Variants in BMPR1B observed in about 807,000 individuals in gnomAD.
BMPR1B encodes the protein bone morphogenetic protein receptor type 1B.
Under a neutral mutation model 59.1 loss-of-function variants are expected in BMPR1B, and 12 were observed. The observed-to-expected ratio is 0.20, with a 90% confidence interval of 0.13 to 0.33. The LOEUF is 0.33. BMPR1B is among the 10% of genes least tolerant of loss of function. The pLI is 1.00. For missense variants in BMPR1B, 550 were observed against 610.9 expected, an observed-to-expected ratio of 0.90 and a Z score of 1.05; for synonymous variants, 237 against 207.3, an observed-to-expected ratio of 1.14 and a Z score of -1.23.
chr4:95,007,293 T>C (rs1355298603), intron 3 of BMPR1B, among the ~76,000 whole-genome samples: 1 of 152,194 alleles, frequency 6.6e-6, no homozygotes, highest in Non-Finnish European at 1.5e-5. Context: ...GGCATGAATT[T>C]TTAGAACACA....
intron 2 of BMPR1B, among the ~76,000 whole-genome samples, chr4:94,948,001 A>T (rs142775813): frequency 2.8e-4 from 42 of 152,304 alleles, no homozygotes; most frequent in Non-Finnish European, 2.9e-5. Context: ...AGTTCTTTAT[A>T]TATGCTAGCT....
chr4:94,841,923 T>C (rs1725102092), intron 1 of BMPR1B, among the ~76,000 whole-genome samples: 1 of 152,136 alleles, frequency 6.6e-6, no homozygotes. Flanking sequence ...AGGGAGCTAC[T>C]TAAAGGGACT....
intron 3 of BMPR1B, among the ~76,000 whole-genome samples, chr4:95,058,550 A>C (rs866359427): frequency 1.3e-5 from 2 of 152,182 alleles, no homozygotes; most frequent in Admixed American, 1.3e-4. Context: ...GAGTCAATTT[A>C]ATGTAACAGG....
intron 2 of BMPR1B, among the ~76,000 whole-genome samples, chr4:94,923,126 CTTTG>C (rs1033022618): frequency 4.6e-5 from 7 of 152,162 alleles, no homozygotes; most frequent in African/African-American, 1.2e-4. Context: ...ATCTTATATA[CTTTG>C]TTTATCTTTG....
intron 3 of BMPR1B, among the ~76,000 whole-genome samples, chr4:94,999,296 C>T (rs1164708889): frequency 6.6e-6 from 1 of 152,008 alleles, no homozygotes; most frequent in Non-Finnish European, 1.5e-5. Context: ...CTTTATACCC[C>T]TTTCACTTTA....
At chr4:95,139,405 A>G (rs111855390) in intron 10 of BMPR1B, among the ~76,000 whole-genome samples, 5,855 of 152,250 alleles carry the variant, frequency 0.038, 173 homozygotes, top group Middle Eastern at 0.099. Context: ...TCAGATCTCA[A>G]ACTCCATGCT....
intron 3 of BMPR1B, among the ~76,000 whole-genome samples, chr4:95,028,112 G>T (rs1018478788): frequency 1.1e-4 from 16 of 152,216 alleles, no homozygotes; most frequent in African/African-American, 3.9e-4. Flanking sequence ...TCACTCTGAG[G>T]GCTCATGCTG....
intron 2 of BMPR1B, among the ~76,000 whole-genome samples, chr4:94,944,090 A>G (rs1236318955): frequency 6.6e-6 from 1 of 152,108 alleles, no homozygotes; most frequent in Non-Finnish European, 1.5e-5. Context: ...ACCTCAGGCA[A>G]TATGTATAAG....
chr4:94,966,752 C>A (rs1217686997), intron 2 of BMPR1B, among the ~76,000 whole-genome samples: 1 of 151,698 alleles, frequency 6.6e-6, no homozygotes, highest in Non-Finnish European at 1.5e-5. Flanking sequence ...ATTTTTTTTT[C>A]ATTTTACTGG....
chr4:95,050,302 T>G (rs1017551737), intron 3 of BMPR1B, among the ~76,000 whole-genome samples: 3 of 152,174 alleles, frequency 2.0e-5, no homozygotes, highest in African/African-American at 7.2e-5. Context: ...TTCTGACGAG[T>G]AAGATGCATG....
chr4:94,769,632 A>G (rs972906329), intron 1 of BMPR1B, among the ~76,000 whole-genome samples: 1 of 151,762 alleles, frequency 6.6e-6, no homozygotes, highest in Non-Finnish European at 1.5e-5. Context: ...AAATTGACAG[A>G]TGATACACTA....
At chr4:95,084,264 A>T (rs1262525549) in intron 3 of BMPR1B, among the ~76,000 whole-genome samples, 2 of 151,170 alleles carry the variant, frequency 1.3e-5, no homozygotes, top group Non-Finnish European at 2.9e-5. Flanking sequence ...TTATATATTC[A>T]GTACTCTGTG....
At chr4:94,930,205 TC>T (rs1172487517) in intron 2 of BMPR1B, among the ~76,000 whole-genome samples, 22 of 152,236 alleles carry the variant, frequency 1.4e-4, no homozygotes, top group South Asian at 8.3e-4. Flanking sequence ...TTTCCAAAAT[TC>T]CTAAATGGAT....
intron 1 of BMPR1B, among the ~76,000 whole-genome samples, chr4:94,766,488 C>G (rs1212340940): frequency 6.6e-6 from 1 of 151,056 alleles, no homozygotes; most frequent in Non-Finnish European, 1.5e-5. Context: ...AAAACGACTT[C>G]CAGCCCTATA....
At chr4:94,928,967 T>C (rs913647457) in intron 2 of BMPR1B, among the ~76,000 whole-genome samples, 3 of 152,114 alleles carry the variant, frequency 2.0e-5, no homozygotes, top group African/African-American at 4.8e-5. Context: ...GACCATAAGA[T>C]TCATTTAAAA....
At chr4:95,115,575 G>T in intron 5 of BMPR1B, 110 bp from the exon 6 acceptor site, 1 of 914,618 alleles carries the variant, frequency 1.1e-6, no homozygotes, top group East Asian at 2.5e-5. Flanking sequence ...GAGTGAAATT[G>T]TTAGAATTTT....
At chr4:95,013,622 C>T (rs1054656437) in intron 3 of BMPR1B, among the ~76,000 whole-genome samples, 4 of 152,052 alleles carry the variant, frequency 2.6e-5, no homozygotes, top group Admixed American at 6.6e-5. Flanking sequence ...CGTAAACTTT[C>T]GGAATAGCAC....
intron 2 of BMPR1B, among the ~76,000 whole-genome samples, chr4:94,963,556 A>G (rs2149068780): frequency 6.6e-6 from 1 of 152,286 alleles, no homozygotes; most frequent in Admixed American, 6.5e-5. Flanking sequence ...ATTATTCTGC[A>G]TATGAATAAC....
intron 1 of BMPR1B, among the ~76,000 whole-genome samples, chr4:94,771,133 A>G (rs1282719223): frequency 6.6e-6 from 1 of 152,194 alleles, no homozygotes; most frequent in Non-Finnish European, 1.5e-5. Flanking sequence ...AAAAGCAGAT[A>G]TACACACACA....
Sources: gnomAD v4.1 joint callset for allele counts (sites outside exome capture counted in the v4.1 genomes callset) on GRCh38, gnomAD v4.1.1 for gene constraint, MANE v1.5 for transcripts, NCBI Gene and HGNC (gene_info 2026-07-23, HGNC 2026-07-21) for gene names.